The following CACNA1H variants were observed in gnomAD, a reference collection of about 807,000 sequenced individuals.
CACNA1H encodes voltage-dependent T-type calcium channel subunit alpha-1H.
A neutral mutation model predicts 192.5 loss-of-function variants in CACNA1H; 149 were observed. The ratio of observed to expected loss-of-function variants is 0.77; its 90% CI spans 0.68 to 0.89. The LOEUF (loss-of-function observed/expected upper bound fraction) is 0.89. Among genes scored for constraint, CACNA1H ranks in the 40% least tolerant of loss-of-function variants. The pLI is 0.00. For missense variants in CACNA1H, 4,257 were observed against 3,423.5 expected (o/e 1.24, Z -6.08); for synonymous variants, 2,202 against 1,475.2 (o/e 1.49, Z -11.29).
In CACNA1H at chr16:1,191,402, G is replaced by T. The variant is rs1263873313; in HGVS notation, c.300-3570G>T. On this transcript the variant is annotated intron_variant, in intron 2 of 34. Transcript: ENST00000348261. ...GGCCTCAGGCACACTCGGGGTTTCG[G>T]TGACCCAGCAGGCTGGCCTGGCTGT... Among the ~76,000 whole-genome samples, 6 of 44,682 alleles carry T rather than the reference G, an allele frequency of 1.3e-4. No homozygotes were observed. In the East Asian group the frequency reaches 2.3e-3, roughly 17 times the overall value. 29.3% of individuals were successfully genotyped at this position (44,682 alleles called of 152,430 possible). A position where few individuals can be genotyped will look rare whatever the true frequency, so the allele number is the denominator to read the frequency against.
rs559982155 is a variant in CACNA1H, at chr16:1,213,805, C to T, written c.4803C>T (p.Ala1601=). 31 of 1,572,988 alleles carry T rather than the reference C, an allele frequency of 2.0e-5. No homozygotes were observed. Among genetic ancestry groups the T allele is most frequent in the Non-Finnish European group, 2.5e-5 (29 of 1,161,430 alleles). Residue 1601 remains alanine, a synonymous_variant, in exon 27 of 35, where the codon GCC becomes GCT. Transcript: ENST00000348261. Reference sequence around the variant, plus strand: ...AGGCCCAGCGCCGGCCCTACTATGCCGACTACTCGCCCACGCGCCGCTCCA... The same window carrying T: ...AGGCCCAGCGCCGGCCCTACTATGCTGACTACTCGCCCACGCGCCGCTCCA... ...SPEAQRRPYY[A]DYSPTRRSIH...
chr16:1,195,957 G>C lies in CACNA1H; in HGVS notation c.577G>C (p.Val193Leu). Residue 193 changes from valine (V) to leucine (L), a missense_variant, in exon 5 of 35, where the codon GTG (valine) becomes CTG (leucine). Transcript: ENST00000348261. ...MMEYSLDGHN[V>L]SLSAIRTVRV... ...GGAGTACTCGTTGGACGGACACAAC[G>C]TGAGCCTCTCGGCTATCAGGACCGT... 2 of 1,613,104 alleles carry C rather than the reference G, an allele frequency of 1.2e-6. No homozygotes were observed. Among genetic ancestry groups the C allele is most frequent in the Non-Finnish European group, 1.7e-6 (2 of 1,179,826 alleles).
intron 17 of CACNA1H, 172 bp downstream of exon 17, chr16:1,209,584 C>T (rs1969180680): frequency 2.6e-6 from 2 of 769,136 alleles, no homozygotes; most frequent in South Asian, 1.8e-5. Flanking sequence ...GGGATTCAGC[C>T]ACAGATGATC....
chr16:1,204,556 G>T, intron 10 of CACNA1H, 98 bp downstream of exon 10: 3 of 943,556 alleles, frequency 3.2e-6, no homozygotes, highest in Non-Finnish European at 3.2e-6. Flanking sequence ...CTGACCTGAT[G>T]GTAGGACGGT....
intron 26 of CACNA1H, 28 bp from the exon 27 acceptor site, chr16:1,213,752 C>T: frequency 6.6e-7 from 1 of 1,511,658 alleles, no homozygotes; most frequent in South Asian, 1.2e-5. Context: ...GCCCTCCTGC[C>T]CGGCGCTCAT....
chr16:1,169,874 G>A (rs531007407), intron 2 of CACNA1H, among the ~76,000 whole-genome samples: 6 of 152,372 alleles, frequency 3.9e-5, no homozygotes, highest in African/African-American at 1.4e-4. Flanking sequence ...GTGTGCGACC[G>A]CCCAGCACTG....
chr16:1,207,989 C>A (rs372198437), intron 15 of CACNA1H, 24 bp from the exon 16 acceptor site: 262 of 1,579,790 alleles, frequency 1.7e-4, no homozygotes, highest in Non-Finnish European at 2.2e-4. Context: ...GCTCTAGGGG[C>A]CCATTCCTCC....
At chr16:1,172,368 C>T (rs1197604486) in intron 2 of CACNA1H, among the ~76,000 whole-genome samples, 1 of 152,176 alleles carries the variant, frequency 6.6e-6, no homozygotes, top group Non-Finnish European at 1.5e-5. Flanking sequence ...ACCTGGGCCC[C>T]TCTCACGCCG....
intron 16 of CACNA1H, 142 bp downstream of exon 16, chr16:1,208,363 G>A (rs956708610): frequency 5.8e-6 from 4 of 689,612 alleles, no homozygotes; most frequent in Admixed American, 2.8e-5. Context: ...GAGAAAGAGT[G>A]TTCTGGTTTC....
At chr16:1,188,943 GC>G (rs1161640373) in intron 2 of CACNA1H, among the ~76,000 whole-genome samples, 1 of 152,232 alleles carries the variant, frequency 6.6e-6, no homozygotes, top group Non-Finnish European at 1.5e-5. Flanking sequence ...CCCGCCAGGG[GC>G]TGGCATCTGC....
intron 2 of CACNA1H, among the ~76,000 whole-genome samples, chr16:1,185,235 C>T (rs138571713): frequency 1.2e-3 from 179 of 152,330 alleles, no homozygotes; most frequent in African/African-American, 3.3e-3. Context: ...GACCACGTTC[C>T]GTTTGTTCAC....
chr16:1,214,286 C>G (rs565197544), intron 27 of CACNA1H, among the ~76,000 whole-genome samples: 1 of 152,366 alleles, frequency 6.6e-6, no homozygotes, highest in African/African-American at 2.4e-5. Context: ...CCCCCTGCAT[C>G]CTCTCCTTTC....
At position 1,215,327 on chromosome 16, in the gene CACNA1H, A is replaced by C; in HGVS notation, c.5125A>C (p.Ile1709Leu). The C allele has an allele frequency of 3.1e-6, 5 of 1,611,794 alleles. No homozygotes were observed. The highest frequency in any genetic ancestry group is 4.2e-6 in the Non-Finnish European group (5 of 1,179,404). Residue 1709 changes from isoleucine to leucine, a missense_variant, in exon 29 of 35, where the codon ATC becomes CTC. Ile to Leu is a conservative substitution (Grantham distance 5). Transcript: ENST00000348261. ...EEIEMSAALP[I>L]NPTIIRIMRV... is the part of the protein sequence containing the mutation. ...GATAGAGATGAGCGCCGCGCTGCCC[A>C]TCAACCCCACCATCATCCGCATCAT...
Position 1,217,913 on chromosome 16 carries a change from C to G in CACNA1H, c.5324-6C>G, listed in dbSNP as rs774110681. On this transcript the variant is annotated splice_region_variant and splice_polypyrimidine_tract_variant and intron_variant, in intron 31 of 34. Coordinates refer to ENST00000348261, the MANE Select transcript of CACNA1H (RefSeq NM_021098.3). ...GGCTGACCGGGCGGGGTCTCCCTCC[C>G]CGCAGAGTGCAGTGAAGACAACCCC... is the stretch of plus-strand genomic sequence containing the variant. 1.9e-6 allele frequency: 3 copies of G among 1,597,940 alleles called. No individual in the cohort carries two copies. The African/African-American group carries it at 4.0e-5, about 21-fold the overall frequency.
chr16:1,197,505 A>G (rs994680745), intron 5 of CACNA1H, among the ~76,000 whole-genome samples: 1 of 152,188 alleles, frequency 6.6e-6, no homozygotes, highest in Non-Finnish European at 1.5e-5. Context: ...CTAGGAGAGA[A>G]CTAGGGAACT....
intron 30 of CACNA1H, 41 bp downstream of exon 30, chr16:1,215,634 A>C: frequency 6.4e-7 from 1 of 1,563,798 alleles, no homozygotes; most frequent in Non-Finnish European, 8.7e-7. Context: ...GGCCCCCGGA[A>C]GACGGGGTTG....
rs1238248848 is a variant in CACNA1H, at chr16:1,167,041, C to T, written c.299+13005C>T. ...CCACCTGTTGACCCACCTCTCGCCC[C>T]CAGCTTTTGGGTCCCTGAGTGGTGG... On this transcript the variant is annotated intron_variant, in intron 2 of 34. Transcript: ENST00000348261. The surrounding 1 kb of genome is among the most constrained non-coding windows in gnomAD (Gnocchi z 4.2). Among the ~76,000 whole-genome samples the T allele has an allele frequency of 6.6e-6, 1 of 152,226 alleles. No individual in the cohort carries two copies. Among genetic ancestry groups the T allele is most frequent in the African/African-American group, 2.4e-5 (1 of 41,466 alleles).
At chr16:1,187,525 A>C (rs1415859160) in intron 2 of CACNA1H, among the ~76,000 whole-genome samples, 1 of 152,154 alleles carries the variant, frequency 6.6e-6, no homozygotes, top group South Asian at 2.1e-4. Flanking sequence ...GATTTGGCCT[A>C]ATGGGGCTCA....
intron 2 of CACNA1H, among the ~76,000 whole-genome samples, chr16:1,170,702 C>T (rs531440587): frequency 1.3e-3 from 194 of 152,198 alleles, no homozygotes; most frequent in Non-Finnish European, 2.1e-3. Context: ...ACAGGGATTT[C>T]GGGGTGAGGG....
Sources: gnomAD v4.1 joint callset for allele counts (sites outside exome capture counted in the v4.1 genomes callset) on GRCh38, gnomAD v4.1.1 for gene constraint, Gnocchi (gnomAD v3.1) non-coding constraint, MANE v1.5 for transcripts, NCBI Gene and HGNC (gene_info 2026-07-23, HGNC 2026-07-21) for gene names.